ABCG8: variants seen among roughly 807,000 people sequenced by gnomAD.
ABCG8 encodes the protein ATP binding cassette subfamily G member 8.
ABCG8 carries 81 observed loss-of-function variants against 71.3 expected under a neutral mutation model. That is an observed-to-expected ratio of 1.14 (90% CI 0.95 to 1.37). The LOEUF (loss-of-function observed/expected upper bound fraction) is 1.37, where lower values mean the gene tolerates loss of function less well. ABCG8 is among the 40% of genes most tolerant of loss of function. The pLI, the probability that ABCG8 is intolerant of heterozygous loss-of-function variation, is 0.00. For missense variants in ABCG8, 1,119 were observed against 866.2 expected (o/e 1.29, Z -3.66); for synonymous variants, 451 against 354.7 (o/e 1.27, Z -3.05).
intron 1 of ABCG8, among the ~76,000 whole-genome samples, chr2:43,842,523 C>T (rs139572657): frequency 1.6e-4 from 25 of 152,132 alleles, no homozygotes; most frequent in African/African-American, 4.3e-4. Flanking sequence ...CTCCCTCCTG[C>T]TTGGGGGCTT....
intron 6 of ABCG8, among the ~76,000 whole-genome samples, chr2:43,870,292 A>AAT (rs1669717296): frequency 6.7e-6 from 1 of 148,896 alleles, no homozygotes. Flanking sequence ...TAGAATTCTC[A>AAT]CTATCTGGAT....
In ABCG8 at chr2:43,872,025, C is replaced by G; in HGVS notation, c.1014C>G (p.Thr338=). The G allele has an allele frequency of 6.2e-7, 1 of 1,614,074 alleles. No homozygotes were observed. The change falls in exon 7 of 13, where the codon ACC becomes ACG. Residue 338 remains threonine (T), a synonymous_variant. Coordinates refer to ENST00000272286, the MANE Select transcript of ABCG8 (RefSeq NM_022437.3). ...DRRSREQELA[T]REKAQSLAAL... ...GCAGCAGAGAGCAGGAATTGGCCAC[C>G]AGGGAGAAGGCTCAGTCACTCGCAG...
intron 1 of ABCG8, among the ~76,000 whole-genome samples, chr2:43,839,742 A>C (rs1267346397): frequency 6.6e-6 from 1 of 151,928 alleles, no homozygotes; most frequent in Non-Finnish European, 1.5e-5. Context: ...TTTCCGAATG[A>C]GACTCCATCA....
chr2:43,872,131 G>A lies in ABCG8; in HGVS notation c.1120G>A (p.Val374Met). The A allele has an allele frequency of 6.2e-7, 1 of 1,614,146 alleles. No homozygotes were observed. Among genetic ancestry groups the A allele is most frequent in the South Asian group, 1.1e-5 (1 of 91,080 alleles). The change falls in exon 7 of 13, where the codon GTG becomes ATG. Residue 374 changes from valine (V) to methionine (M), a missense_variant. Coordinates refer to ENST00000272286, the MANE Select transcript of ABCG8 (RefSeq NM_022437.3). ...ETKDLDEDTC[V>M]ESSVTPLDTN... ...GAAGGATCTTGACGAGGACACCTGT[G>A]TGGAAAGGTAAGGTGGCAGGCGACT...
rs1352584622 is a variant in ABCG8 at position 43,878,734 on chromosome 2, A to G, written c.*821A>G. ...GTCTGTAGAGGCTGTTAACTCAGCC[A>G]GGCTTCTTAGAGTTGCATTTCACTA... On this transcript the variant is annotated 3_prime_UTR_variant, in exon 13 of 13. Transcript: ENST00000272286. 1 of 152,352 alleles carries G rather than the reference A, an allele frequency of 6.6e-6. No homozygotes were observed. Among genetic ancestry groups the G allele is most frequent in the Non-Finnish European group, 1.5e-5 (1 of 68,136 alleles). The allele number at this position is 152,352 out of a possible 1,614,324, so 9.4% of individuals were successfully genotyped here.
At chr2:43,876,384 G>A (rs908514322) in intron 11 of ABCG8, among the ~76,000 whole-genome samples, 24 of 152,204 alleles carry the variant, frequency 1.6e-4, no homozygotes, top group African/African-American at 5.5e-4. Context: ...GTGCAGGTAA[G>A]AGAGACTGTG....
intron 3 of ABCG8, chr2:43,848,014 C>T (rs1668799841): frequency 6.6e-6 from 1 of 151,992 alleles, no homozygotes; most frequent in Non-Finnish European, 1.5e-5. Context: ...ATCTGCTTGC[C>T]TTGGCCTCTC....
Position 43,873,973 on chromosome 2 carries a change from T to G in ABCG8, c.1398T>G (p.Asp466Glu), listed in dbSNP as rs1050419789. ...TCATCCCTTTCAACGTCATTCTGGA[T>G]GTCATCTCCAAATGTGAGTGTGGCC... ...GALIPFNVILDVISKCYSERA... is the reference protein window; with the variant it reads ...GALIPFNVILEVISKCYSERA... Residue 466 changes from aspartate (D) to glutamate (E), a missense_variant, in exon 9 of 13, where the codon GAT (aspartate) becomes GAG (glutamate). Transcript: ENST00000272286. The G allele has an allele frequency of 1.9e-6, 3 of 1,614,086 alleles. No individual in the cohort carries two copies. Among genetic ancestry groups the G allele is most frequent in the Non-Finnish European group, 1.7e-6 (2 of 1,180,036 alleles).
chr2:43,870,601 A>G (rs1393009060), intron 6 of ABCG8, among the ~76,000 whole-genome samples: 3 of 151,992 alleles, frequency 2.0e-5, no homozygotes, highest in African/African-American at 7.3e-5. Context: ...ATCTGGATGG[A>G]ATTCTCACTC....
At position 43,875,131 on chromosome 2, in the gene ABCG8, G is replaced by A. The variant is rs886056035; in HGVS notation, c.1489-15G>A. On this transcript the variant is annotated splice_polypyrimidine_tract_variant and intron_variant, in intron 10 of 12. Coordinates refer to ENST00000272286, the MANE Select transcript of ABCG8 (RefSeq NM_022437.3). ...GGTGCTGGCTTCATATCCTTGCAAGGGCTGTTCTTTGCAGATCCTCGGGGA... is the reference window on the plus strand; with the variant it reads ...GGTGCTGGCTTCATATCCTTGCAAGAGCTGTTCTTTGCAGATCCTCGGGGA... 10 of 1,614,152 alleles carry A rather than the reference G, an allele frequency of 6.2e-6. No individual in the cohort carries two copies. In the South Asian group the frequency reaches 9.9e-5, roughly 16 times the overall value.
intron 6 of ABCG8, among the ~76,000 whole-genome samples, chr2:43,857,227 T>C (rs1234031672): frequency 6.6e-6 from 1 of 150,536 alleles, no homozygotes; most frequent in African/African-American, 2.4e-5. Flanking sequence ...TAACTATCTG[T>C]CTGGATAGAA....
chr2:43,865,692 T>G (rs1669506727), intron 6 of ABCG8, among the ~76,000 whole-genome samples: 1 of 139,680 alleles, frequency 7.2e-6, no homozygotes, highest in Admixed American at 7.0e-5. Context: ...TGGATAGAAC[T>G]CTCAATATCT....
At chr2:43,845,694 T>C (rs1668721573) in intron 2 of ABCG8, among the ~76,000 whole-genome samples, 2 of 152,186 alleles carry the variant, frequency 1.3e-5, no homozygotes, top group African/African-American at 4.8e-5. Context: ...CAATCTTGGC[T>C]GACTGCAATC....
rs775593151 is a variant in ABCG8 at position 43,851,556 on chromosome 2, C to T, written c.323-28C>T. 4 of 1,612,502 alleles carry T rather than the reference C, an allele frequency of 2.5e-6. No individual in the cohort carries two copies. In the Admixed American group the frequency reaches 5.0e-5, roughly 20 times the overall value. On this transcript the variant is annotated intron_variant, in intron 3 of 12. Coordinates refer to ENST00000272286, the MANE Select transcript of ABCG8 (RefSeq NM_022437.3). ...GCCTGGCCCCCACAGAAGCTCCGCT[C>T]TCAGGGATATCCCTGGTGGCTTTGC...
Position 43,873,977 on chromosome 2 carries a change from ATC to A in ABCG8, c.1405_1406del (p.Ser469GlnfsTer12), listed in dbSNP as rs1439167347. On this transcript the variant is annotated frameshift_variant, in exon 9 of 13. Coordinates refer to ENST00000272286, the MANE Select transcript of ABCG8 (RefSeq NM_022437.3). LOFTEE classifies it high-confidence loss of function. ...CCCTTTCAACGTCATTCTGGATGTC[ATC>A]TCCAAATGTGAGTGTGGCCCACTGG... ...LIPFNVILDV[I>X]SKCYSERAML... 1.2e-6 allele frequency: 2 copies of A among 1,613,994 alleles called. No homozygotes were observed. Among genetic ancestry groups the A allele is most frequent in the East Asian group, 4.5e-5 (2 of 44,886 alleles).
At position 43,861,812 on chromosome 2, in the gene ABCG8, A is replaced by G. The variant is rs551129178; in HGVS notation, c.964+8944A>G. The stretch of plus-strand genomic sequence containing the variant: ...TCTGCATAGAACTCTCACTACCGGG[A>G]TAGAATTCTCACTCTCTGGGTAGAA... On this transcript the variant is annotated intron_variant, in intron 6 of 12. Transcript: ENST00000272286. Among the ~76,000 whole-genome samples, 425 of 151,186 alleles carry G rather than the reference A, an allele frequency of 2.8e-3. 3 individuals carry two copies. The highest frequency in any genetic ancestry group is 9.8e-3 in the African/African-American group (406 of 41,416).
Position 43,846,131 on chromosome 2 carries a change from G to A in ABCG8, c.166-24G>A, listed in dbSNP as rs200406502. 2.5e-3 allele frequency: 4,105 copies of A among 1,612,204 alleles called. 15 individuals carry two copies. Among genetic ancestry groups the A allele is most frequent in the South Asian group, 6.8e-3 (619 of 90,910 alleles). The stretch of plus-strand genomic sequence containing the variant: ...CCTCTGAACCATTCAGCTCTCTAAG[G>A]AACCTTCTGATATCTCCCCACAGGT... On this transcript the variant is annotated intron_variant, in intron 2 of 12. Transcript: ENST00000272286.
chr2:43,866,494 T>G (rs1242300703), intron 6 of ABCG8, among the ~76,000 whole-genome samples: 2 of 151,624 alleles, frequency 1.3e-5, no homozygotes, highest in South Asian at 2.1e-4. Context: ...CAAACAAATT[T>G]ACAAGAAAAA....
chr2:43,851,001 G>A (rs1354711969), intron 3 of ABCG8, among the ~76,000 whole-genome samples: 1 of 151,502 alleles, frequency 6.6e-6, no homozygotes, highest in East Asian at 1.9e-4. Flanking sequence ...TGTACACTGT[G>A]CTGTAGTTTT....
Sources: allele counts gnomAD v4.1 joint callset (sites outside exome capture counted in the v4.1 genomes callset), GRCh38; gene constraint gnomAD v4.1.1; transcripts MANE v1.5; gene names NCBI Gene and HGNC (gene_info 2026-07-23, HGNC 2026-07-21).